EHBP1: variants seen among roughly 807,000 people sequenced by gnomAD.
EHBP1 encodes EH domain-binding protein 1.
Under a neutral mutation model 144.0 loss-of-function variants are expected in EHBP1, and 55 were observed. The ratio of observed to expected loss-of-function variants is 0.38; its 90% CI spans 0.31 to 0.48. EHBP1 has a LOEUF of 0.48. Among genes scored for constraint, EHBP1 ranks in the 20% least tolerant of loss-of-function variants. EHBP1 has a pLI of 0.98. For missense variants in EHBP1, 1,200 were observed against 1,364.2 expected (o/e 0.88, Z 1.90); for synonymous variants, 469 against 472.7 (o/e 0.99, Z 0.10).
At chr2:62,759,327 A>G (rs1375873623) in intron 3 of EHBP1, among the ~76,000 whole-genome samples, 2 of 152,208 alleles carry the variant, frequency 1.3e-5, no homozygotes, top group East Asian at 1.9e-4. Context: ...TACTTATTTT[A>G]TAGGGAAATC....
intron 14 of EHBP1, among the ~76,000 whole-genome samples, chr2:62,968,765 T>G (rs1490221710): frequency 6.6e-6 from 1 of 152,216 alleles, no homozygotes; most frequent in Non-Finnish European, 1.5e-5. Context: ...TTCTTTACAT[T>G]GAATAATCAG....
At chr2:62,810,056 TGTTAA>T (rs2044859312) in intron 5 of EHBP1, among the ~76,000 whole-genome samples, 1 of 152,208 alleles carries the variant, frequency 6.6e-6, no homozygotes, top group Non-Finnish European at 1.5e-5. Flanking sequence ...AAAGTTCTAA[TGTTAA>T]GTTTAAAAAA....
intron 19 of EHBP1, among the ~76,000 whole-genome samples, chr2:63,009,816 C>T (rs867400670): frequency 1.3e-5 from 2 of 151,444 alleles, no homozygotes; most frequent in African/African-American, 4.8e-5. Flanking sequence ...TCTATACATA[C>T]AATGTATATA....
At position 62,820,710 on chromosome 2, in the gene EHBP1, GGT is replaced by G. The variant is rs374529607; in HGVS notation, c.313-5354_313-5353del. Among the ~76,000 whole-genome samples the G allele has an allele frequency of 6.7e-4, 59 of 88,632 alleles. 1 individual carries two copies. The highest frequency in any genetic ancestry group is 1.3e-3 in the African/African-American group (29 of 23,018). 58.1% of individuals were successfully genotyped at this position (88,632 alleles called of 152,430 possible). ...TTTAAGGCTGAATAGTATTCCATTG[GGT>G]GTGTGTGTGTGTGTGTGTGTGTATA... On this transcript the variant is annotated intron_variant, in intron 5 of 22. Transcript: ENST00000431489.
At chr2:62,815,182 A>C (rs922725893) in intron 5 of EHBP1, among the ~76,000 whole-genome samples, 2 of 152,184 alleles carry the variant, frequency 1.3e-5, no homozygotes, top group African/African-American at 4.8e-5. Context: ...CATTTCTCCA[A>C]GGTGGAAGGT....
intron 9 of EHBP1, among the ~76,000 whole-genome samples, chr2:62,870,439 G>T (rs2050368005): frequency 6.6e-6 from 1 of 152,044 alleles, no homozygotes; most frequent in Non-Finnish European, 1.5e-5. Flanking sequence ...GACTAGCCAG[G>T]TGTGGTGGCT....
intron 5 of EHBP1, among the ~76,000 whole-genome samples, chr2:62,782,488 G>A (rs1390090788): frequency 1.3e-5 from 2 of 152,142 alleles, no homozygotes; most frequent in Admixed American, 1.3e-4. Flanking sequence ...AGACATACCT[G>A]AGACTGGGTA....
At chr2:62,970,057 T>C (rs749334139) in intron 14 of EHBP1, among the ~76,000 whole-genome samples, 11 of 152,022 alleles carry the variant, frequency 7.2e-5, no homozygotes, top group Non-Finnish European at 1.5e-4. Flanking sequence ...TGGGCACACT[T>C]TGGTAATCCT....
intron 10 of EHBP1, among the ~76,000 whole-genome samples, chr2:62,920,971 A>T (rs923440777): frequency 2.6e-5 from 4 of 152,104 alleles, no homozygotes; most frequent in Non-Finnish European, 1.5e-5. Context: ...GCCTGGCCTG[A>T]TTAATCATAA....
intron 2 of EHBP1, among the ~76,000 whole-genome samples, chr2:62,714,376 A>G (rs2035461543): frequency 6.6e-6 from 1 of 152,220 alleles, no homozygotes; most frequent in African/African-American, 2.4e-5. Context: ...TATTCCACTC[A>G]AACTACATAA....
chr2:62,757,426 CTT>C (rs555494268), intron 3 of EHBP1, among the ~76,000 whole-genome samples: 2 of 113,030 alleles, frequency 1.8e-5, no homozygotes, highest in African/African-American at 3.5e-5. Flanking sequence ...TTTTTTTTTT[CTT>C]TTTTTTTTTT....
intron 2 of EHBP1, among the ~76,000 whole-genome samples, chr2:62,716,605 T>C (rs1416447099): frequency 3.3e-5 from 5 of 152,212 alleles, no homozygotes; most frequent in Non-Finnish European, 7.3e-5. Flanking sequence ...AAAAATAAAT[T>C]CATTTATACT....
At position 62,979,172 on chromosome 2, in the gene EHBP1, G is replaced by A. The variant is rs1298694937; in HGVS notation, c.2461-16G>A. Reference sequence around the variant, plus strand: ...TCTGTCAATTACTGAGTTGGCAACTGTTCAATATATCTTAGCAGCAAGATG... The same window carrying A: ...TCTGTCAATTACTGAGTTGGCAACTATTCAATATATCTTAGCAGCAAGATG... On this transcript the variant is annotated splice_polypyrimidine_tract_variant and intron_variant, in intron 14 of 22. Transcript: ENST00000431489. 3 of 1,606,686 alleles carry A rather than the reference G, an allele frequency of 1.9e-6. No individual in the cohort carries two copies. The highest frequency in any genetic ancestry group is 2.2e-5 in the East Asian group (1 of 44,796).
chr2:62,726,982 C>T (rs187989753), intron 2 of EHBP1, among the ~76,000 whole-genome samples: 188 of 152,204 alleles, frequency 1.2e-3, no homozygotes, highest in African/African-American at 4.1e-3. Context: ...CCTGCCTCAG[C>T]CTCCTGAGTA....
chr2:62,810,007 A>T (rs2044855810), intron 5 of EHBP1, among the ~76,000 whole-genome samples: 1 of 152,220 alleles, frequency 6.6e-6, no homozygotes, highest in South Asian at 2.1e-4. Flanking sequence ...GTAGAACCAT[A>T]TTACAGAATG....
Position 62,810,126 on chromosome 2 carries a change from A to G in EHBP1, c.313-15961A>G, listed in dbSNP as rs1199130107. ...CTATTTTTAAAAGACTAGAGAAAAT[A>G]TCTCAAAATATGTACAGTGGTATCA... is the stretch of plus-strand genomic sequence containing the variant. On this transcript the variant is annotated intron_variant, in intron 5 of 22. Coordinates refer to ENST00000431489, the MANE Select transcript of EHBP1 (RefSeq NM_001142616.3). Among the ~76,000 whole-genome samples the G allele has an allele frequency of 2.6e-5, 4 of 152,338 alleles. No homozygotes were observed. In the East Asian group the frequency reaches 7.7e-4, roughly 29 times the overall value.
chr2:62,917,827 A>G (rs983422704), intron 10 of EHBP1, among the ~76,000 whole-genome samples: 5 of 152,042 alleles, frequency 3.3e-5, no homozygotes, highest in Non-Finnish European at 5.9e-5. Context: ...CTACAGAGGA[A>G]TGTCTCCCAG....
intron 10 of EHBP1, among the ~76,000 whole-genome samples, chr2:62,913,204 A>G (rs147517885): frequency 9.8e-5 from 15 of 152,324 alleles, no homozygotes; most frequent in African/African-American, 3.6e-4. Context: ...TTTTTAAAGC[A>G]TTTATGTTTT....
chr2:62,720,984 G>T (rs1468751680), intron 2 of EHBP1, among the ~76,000 whole-genome samples: 1 of 151,992 alleles, frequency 6.6e-6, no homozygotes, highest in East Asian at 1.9e-4. Flanking sequence ...ATTTACCATT[G>T]TCATTTATCA....
Sources: allele counts gnomAD v4.1 joint callset (sites outside exome capture counted in the v4.1 genomes callset), GRCh38; gene constraint gnomAD v4.1.1; transcripts MANE v1.5; gene names NCBI Gene and HGNC (gene_info 2026-07-23, HGNC 2026-07-21).